Variants in SLF1 observed in about 807,000 individuals in gnomAD.
SLF1 encodes the protein SMC5-SMC6 complex localization factor protein 1.
Under a neutral mutation model 123.0 loss-of-function variants are expected in SLF1, and 105 were observed. The observed-to-expected ratio is 0.85, with a 90% CI of 0.73 to 1.00. The LOEUF (loss-of-function observed/expected upper bound fraction) is 1.00, where lower values mean the gene tolerates loss of function less well. Among genes scored for constraint, SLF1 ranks in the 50% least tolerant of loss-of-function variants. SLF1 has a pLI of 0.00. For synonymous variants in SLF1, 434 were observed against 406.6 expected (o/e 1.07, Z -0.81); for missense variants, 1,239 against 1,223.0 (o/e 1.01, Z -0.20).
chr5:94,669,616 A>G (rs1750206797), intron 12 of SLF1, among the ~76,000 whole-genome samples: 1 of 152,112 alleles, frequency 6.6e-6, no homozygotes, highest in African/African-American at 2.4e-5. Flanking sequence ...AGTGTCTAGT[A>G]GAACATATAC....
intron 15 of SLF1, among the ~76,000 whole-genome samples, chr5:94,681,653 C>A (rs547222344): frequency 1.3e-5 from 2 of 150,158 alleles, no homozygotes. Flanking sequence ...CCCCCTCCCC[C>A]CAACCCACAA....
At chr5:94,663,710 T>C in intron 10 of SLF1, 40 bp from the exon 11 acceptor site, 1 of 1,409,964 alleles carries the variant, frequency 7.1e-7, no homozygotes, top group Admixed American at 2.9e-5. Context: ...CAAAATTTTA[T>C]CTTTCTTTTC....
intron 4 of SLF1, among the ~76,000 whole-genome samples, chr5:94,632,793 C>T (rs1412385794): frequency 6.6e-6 from 1 of 151,674 alleles, no homozygotes; most frequent in African/African-American, 2.4e-5. Context: ...CTCCGCCTCC[C>T]GGGTTCACGC....
chr5:94,651,225 A>G (rs190145977), intron 6 of SLF1, among the ~76,000 whole-genome samples: 18 of 152,320 alleles, frequency 1.2e-4, no homozygotes, highest in Non-Finnish European at 1.8e-4. Context: ...AGACTATACC[A>G]TCTAGGTTTG....
At chr5:94,645,263 A>C (rs1275946974) in intron 5 of SLF1, among the ~76,000 whole-genome samples, 1 of 152,210 alleles carries the variant, frequency 6.6e-6, no homozygotes, top group Non-Finnish European at 1.5e-5. Context: ...CTGGTTAACC[A>C]TGAAAAGAAC....
At chr5:94,677,894 A>C (rs1249840273) in intron 14 of SLF1, among the ~76,000 whole-genome samples, 3 of 151,694 alleles carry the variant, frequency 2.0e-5, no homozygotes, top group Non-Finnish European at 4.4e-5. Flanking sequence ...AATGATGTTT[A>C]TTATAAAAGT....
rs369026769 is a variant in SLF1, at chr5:94,654,372, G to A, written c.1033-258G>A. Among the ~76,000 whole-genome samples the A allele has an allele frequency of 2.5e-4, 36 of 144,804 alleles. No homozygotes were observed. The East Asian group carries it at 3.6e-3, about 15-fold the overall frequency. 95.0% of individuals were successfully genotyped at this position (144,804 alleles called of 152,430 possible). ...CTTAAGAAAGTACATATGTTGGCAG[G>A]AGCAAATAAAAAGAGTAAAAAGAAA... is the stretch of plus-strand genomic sequence containing the variant. On this transcript the variant is annotated intron_variant, in intron 8 of 20. Transcript: ENST00000265140.
At position 94,695,242 on chromosome 5, in the gene SLF1, C is replaced by T; in HGVS notation, c.3107C>T (p.Pro1036Leu). Residue 1036 changes from proline (P) to leucine (L), a missense_variant, in exon 21 of 21, where the codon CCT becomes CTT. By Grantham distance (98) the Pro-to-Leu change is moderately conservative. Coordinates refer to ENST00000265140, the MANE Select transcript of SLF1 (RefSeq NM_032290.4). The part of the protein sequence containing the change: ...KELPENLKVC[P>L]GVHTEALMIT... Reference sequence around the variant, plus strand: ...CTGCCTGAGAATTTGAAAGTGTGTCCTGGGGTACACACTGAGGCCTTGATG... The same window carrying T: ...CTGCCTGAGAATTTGAAAGTGTGTCTTGGGGTACACACTGAGGCCTTGATG... The T allele has an allele frequency of 6.2e-7, 1 of 1,612,300 alleles. No homozygotes were observed. Among genetic ancestry groups the T allele is most frequent in the South Asian group, 1.1e-5 (1 of 91,016 alleles).
Position 94,643,308 on chromosome 5 carries a change from C to G in SLF1, c.467C>G (p.Pro156Arg), listed in dbSNP as rs1436203644. 2 of 1,540,308 alleles carry G rather than the reference C, an allele frequency of 1.3e-6. No homozygotes were observed. The highest frequency in any genetic ancestry group is 1.2e-5 in the South Asian group (1 of 81,768). The change falls in exon 5 of 21, where the codon CCA (proline) becomes CGA (arginine). Residue 156 changes from proline (P) to arginine (R), a missense_variant. Physicochemically the swap from Pro to Arg is moderately radical, Grantham distance 103 (BLOSUM62 -2). Coordinates refer to ENST00000265140, the MANE Select transcript of SLF1 (RefSeq NM_032290.4). ...GCTGGAAAGGCAAATGTTATTTTAC[C>G]AAAAAGTTCACCAAGTGGAATAACT... is the stretch of plus-strand genomic sequence containing the variant. The part of the protein sequence containing the change: ...LEAGKANVIL[P>R]KSSPSGITHV...
intron 6 of SLF1, 69 bp from the exon 7 acceptor site, chr5:94,651,633 C>G (rs1747737566): frequency 6.2e-6 from 8 of 1,280,360 alleles, no homozygotes; most frequent in African/African-American, 4.7e-5. Context: ...TCTTTTGTGA[C>G]TTGTGTTGAT....
chr5:94,694,920 A>C lies in SLF1; in HGVS notation c.2785A>C (p.Ile929Leu), dbSNP rs777837886. 2 of 1,611,886 alleles carry C rather than the reference A, an allele frequency of 1.2e-6. No individual in the cohort carries two copies. Among genetic ancestry groups the C allele is most frequent in the Non-Finnish European group, 1.7e-6 (2 of 1,178,992 alleles). Residue 929 changes from isoleucine (I) to leucine (L), a missense_variant, in exon 21 of 21, where the codon ATT becomes CTT. Transcript: ENST00000265140. ...SPQIKEELFA[I>L]TKIEDTVENF... Reference sequence around the variant, plus strand: ...TCAAATCAAAGAAGAACTGTTTGCTATTACAAAAATAGAAGATACAGTGGA... The same window carrying C: ...TCAAATCAAAGAAGAACTGTTTGCTCTTACAAAAATAGAAGATACAGTGGA...
chr5:94,660,987 T>C (rs958074089), intron 9 of SLF1, among the ~76,000 whole-genome samples: 1 of 152,106 alleles, frequency 6.6e-6, no homozygotes, highest in Non-Finnish European at 1.5e-5. Flanking sequence ...ATCATGACAC[T>C]GCAGCTCTCT....
intron 1 of SLF1, among the ~76,000 whole-genome samples, chr5:94,627,788 G>A (rs1355550181): frequency 6.6e-6 from 1 of 150,436 alleles, no homozygotes; most frequent in African/African-American, 2.4e-5. Flanking sequence ...AAATCTGATT[G>A]TATCATTGTC....
chr5:94,659,631 G>A (rs1251440123), intron 9 of SLF1, among the ~76,000 whole-genome samples: 3 of 152,208 alleles, frequency 2.0e-5, no homozygotes, highest in African/African-American at 4.8e-5. Context: ...CAGTGGCTTA[G>A]GCTACATTTG....
chr5:94,651,456 C>G (rs1052884792), intron 6 of SLF1, among the ~76,000 whole-genome samples: 2 of 152,094 alleles, frequency 1.3e-5, no homozygotes, highest in African/African-American at 4.8e-5. Context: ...ACTCATTAAT[C>G]GGAATTCAGC....
At chr5:94,662,717 C>A (rs193165329) in intron 10 of SLF1, among the ~76,000 whole-genome samples, 6 of 151,754 alleles carry the variant, frequency 4.0e-5, no homozygotes, top group Non-Finnish European at 8.8e-5. Context: ...GAAAATGATA[C>A]CTTTATTTTA....
intron 14 of SLF1, among the ~76,000 whole-genome samples, chr5:94,673,474 A>C (rs367986627): frequency 1.3e-5 from 2 of 152,126 alleles, no homozygotes; most frequent in African/African-American, 4.8e-5. Context: ...CAGGAGCTCA[A>C]GACCAGTCTG....
At chr5:94,623,989 T>C (rs1230042247) in intron 1 of SLF1, among the ~76,000 whole-genome samples, 1 of 152,192 alleles carries the variant, frequency 6.6e-6, no homozygotes, top group East Asian at 1.9e-4. Context: ...CATTGCTAAA[T>C]GTATTATAAA....
At position 94,695,975 on chromosome 5, in the gene SLF1, G is replaced by A. The variant is rs972491961; in HGVS notation, c.*663G>A. 10 of 151,620 alleles carry A rather than the reference G, an allele frequency of 6.6e-5. No individual in the cohort carries two copies. The highest frequency in any genetic ancestry group is 1.2e-4 in the Non-Finnish European group (8 of 67,764). 9.4% of individuals were successfully genotyped at this position (151,620 alleles called of 1,614,324 possible). ...AATTCATATACAAAATGTATCTGTC[G>A]CTGCCCTATGTAACCCAGTATTCTG... On this transcript the variant is annotated 3_prime_UTR_variant, in exon 21 of 21. Coordinates refer to ENST00000265140, the MANE Select transcript of SLF1 (RefSeq NM_032290.4).
Sources: allele counts gnomAD v4.1 joint callset (sites outside exome capture counted in the v4.1 genomes callset), GRCh38; gene constraint gnomAD v4.1.1; transcripts MANE v1.5; gene names NCBI Gene and HGNC (gene_info 2026-07-23, HGNC 2026-07-21).